Variants in SFT2D2 observed in about 807,000 individuals in gnomAD.
SFT2D2 encodes vesicle transport protein SFT2B.
SFT2D2 carries 21 observed loss-of-function variants against 27.4 expected under a neutral mutation model. The ratio of observed to expected loss-of-function variants is 0.77; its 90% CI spans 0.54 to 1.10. The LOEUF (loss-of-function observed/expected upper bound fraction) is 1.10. Ranked by LOEUF, SFT2D2 falls within the 50% of genes least tolerant of loss-of-function variation. The pLI is 0.00. For synonymous variants in SFT2D2, 72 were observed against 71.7 expected (o/e 1.00, Z -0.02); for missense variants, 187 against 194.2 (o/e 0.96, Z 0.22).
At chr1:168,239,460 T>C (rs1229375957) in intron 7 of SFT2D2, among the ~76,000 whole-genome samples, 1 of 128,952 alleles carries the variant, frequency 7.8e-6, no homozygotes, top group Non-Finnish European at 1.7e-5. Flanking sequence ...GAGTAGGGTT[T>C]TTTTTTTTTT....
Position 168,235,017 on chromosome 1 carries a change from C to G in SFT2D2, c.237-84C>G, listed in dbSNP as rs970331847. The G allele has an allele frequency of 1.0e-5, 12 of 1,162,084 alleles. No individual in the cohort carries two copies. The East Asian group carries it at 2.6e-4, about 25-fold the overall frequency. 72.0% of individuals were successfully genotyped at this position (1,162,084 alleles called of 1,614,324 possible). A position where few individuals can be genotyped will look rare whatever the true frequency, so the allele number is the denominator to read the frequency against. ...GCTTTTCAAATGTTAGCTACTATTG[C>G]CACAGGAAATCTTGGGGAGGCGACT... is the stretch of plus-strand genomic sequence containing the variant. On this transcript the variant is annotated intron_variant, in intron 3 of 7. Transcript: ENST00000271375.
At chr1:168,237,475 G>A (rs2102331559) in intron 6 of SFT2D2, among the ~76,000 whole-genome samples, 1 of 152,296 alleles carries the variant, frequency 6.6e-6, no homozygotes, top group Middle Eastern at 3.4e-3. Flanking sequence ...AGGGGTGGTG[G>A]CATAGTTGGA....
Position 168,226,028 on chromosome 1 carries a change from G to A in SFT2D2, c.-52G>A, listed in dbSNP as rs769557247. On this transcript the variant is annotated 5_prime_UTR_variant, in exon 1 of 8. Transcript: ENST00000271375. ...CACCCGGAAGAGCCGTCAACTTAGC[G>A]AGCGCAACAGGCTGCCGCTGAGGAG... 2.5e-5 allele frequency: 37 copies of A among 1,454,588 alleles called. No homozygotes were observed. The East Asian group carries it at 1.1e-3, about 44-fold the overall frequency. The allele number at this position is 1,454,588 out of a possible 1,614,324, so 90.1% of individuals were successfully genotyped here. A position where few individuals can be genotyped will look rare whatever the true frequency, so the allele number is the denominator to read the frequency against.
At position 168,246,232 on chromosome 1, in the gene SFT2D2, T is replaced by G. The variant is rs1019780744; in HGVS notation, c.*3692T>G. On this transcript the variant is annotated 3_prime_UTR_variant, in exon 8 of 8. Coordinates refer to ENST00000271375, the MANE Select transcript of SFT2D2 (RefSeq NM_199344.3). ...TGCTTTATGCACTCAGCTTGAAGAT[T>G]TTGTGCTGTAGCATCACATTTGGCT... The G allele has an allele frequency of 9.0e-5, 28 of 312,128 alleles. No individual in the cohort carries two copies. The highest frequency in any genetic ancestry group is 7.5e-5 in the Non-Finnish European group (12 of 160,452). 19.3% of individuals were successfully genotyped at this position (312,128 alleles called of 1,614,324 possible).
intron 6 of SFT2D2, among the ~76,000 whole-genome samples, chr1:168,238,583 A>T (rs910438411): frequency 2.0e-5 from 3 of 152,108 alleles, no homozygotes; most frequent in Admixed American, 2.0e-4. Flanking sequence ...CTGGAGGCTG[A>T]GGCAGGGGGA....
rs1287282625 is a variant in SFT2D2 at position 168,251,647 on chromosome 1, A to G, written c.*9107A>G. Reference sequence around the variant, plus strand: ...TTCAGCATATAAATTTTTAAGAATCAGTGTTTAAAGGTACGTGAAACCATT... The same window carrying G: ...TTCAGCATATAAATTTTTAAGAATCGGTGTTTAAAGGTACGTGAAACCATT... On this transcript the variant is annotated 3_prime_UTR_variant, in exon 8 of 8. Transcript: ENST00000271375. 6.6e-6 allele frequency: 1 copy of G among 151,850 alleles called. No individual in the cohort carries two copies. Among genetic ancestry groups the G allele is most frequent in the African/African-American group, 2.4e-5 (1 of 41,376 alleles). The allele number at this position is 151,850 out of a possible 1,614,324, so 9.4% of individuals were successfully genotyped here.
At position 168,246,730 on chromosome 1, in the gene SFT2D2, T is replaced by C. The variant is rs1647824999; in HGVS notation, c.*4190T>C. ...TTCCATTTCGTCAGTCTTTGCCTGC[T>C]TTGTTTTTCCTTCTCCAGTTTAGAA... On this transcript the variant is annotated 3_prime_UTR_variant, in exon 8 of 8. Transcript: ENST00000271375. The C allele has an allele frequency of 2.2e-6, 2 of 919,732 alleles. No homozygotes were observed. Among genetic ancestry groups the C allele is most frequent in the South Asian group, 2.6e-5 (2 of 77,828 alleles). 57.0% of individuals were successfully genotyped at this position (919,732 alleles called of 1,614,324 possible).
rs1405220157 is a variant in SFT2D2, at chr1:168,247,940, A to T, written c.*5400A>T. On this transcript the variant is annotated 3_prime_UTR_variant, in exon 8 of 8. Transcript: ENST00000271375. ...TCCCTAATGACCAGTGATGATGAGCATTTTTTCATATGTTTGTTGGCTGCA... is the reference window on the plus strand; with the variant it reads ...TCCCTAATGACCAGTGATGATGAGCTTTTTTTCATATGTTTGTTGGCTGCA... 6.6e-6 allele frequency: 1 copy of T among 152,128 alleles called. No individual in the cohort carries two copies. The highest frequency in any genetic ancestry group is 2.1e-4 in the South Asian group (1 of 4,826). 9.4% of individuals were successfully genotyped at this position (152,128 alleles called of 1,614,324 possible).
At chr1:168,238,162 A>G (rs1160391195) in intron 6 of SFT2D2, among the ~76,000 whole-genome samples, 1 of 152,120 alleles carries the variant, frequency 6.6e-6, no homozygotes, top group Non-Finnish European at 1.5e-5. Flanking sequence ...GTTTCCTTCT[A>G]AGTGACAGGG....
chr1:168,239,825 C>T (rs1414046534), intron 7 of SFT2D2, among the ~76,000 whole-genome samples: 8 of 138,510 alleles, frequency 5.8e-5, no homozygotes, highest in Non-Finnish European at 1.2e-4. Context: ...TATTTAACTT[C>T]TGTTCTTTTT....
At position 168,235,165 on chromosome 1, in the gene SFT2D2, G is replaced by T; in HGVS notation, c.301G>T (p.Ala101Ser). 1.2e-6 allele frequency: 2 copies of T among 1,614,186 alleles called. No individual in the cohort carries two copies. The highest frequency in any genetic ancestry group is 1.7e-6 in the Non-Finnish European group (2 of 1,180,028). The change falls in exon 4 of 8, where the codon GCA becomes TCA. Residue 101 changes from alanine (A) to serine (S), a missense_variant. By Grantham distance (99) the Ala-to-Ser change is moderately conservative. Coordinates refer to ENST00000271375, the MANE Select transcript of SFT2D2 (RefSeq NM_199344.3). ...AATGTTTGAGCCTACTCGTTTGATT[G>T]CAACTATCATGGTGCTGGTAAGGTC... ...KRMFEPTRLIATIMVLLCFAL... is the reference protein window; with the variant it reads ...KRMFEPTRLISTIMVLLCFAL...
chr1:168,237,608 A>G (rs1321030130), intron 6 of SFT2D2, among the ~76,000 whole-genome samples: 2 of 152,242 alleles, frequency 1.3e-5, no homozygotes, highest in East Asian at 3.8e-4. Context: ...GCTACAGTGT[A>G]AAGAAAGGAG....
chr1:168,236,206 C>T (rs960999015), intron 4 of SFT2D2, among the ~76,000 whole-genome samples: 19 of 152,196 alleles, frequency 1.2e-4, no homozygotes, highest in African/African-American at 4.3e-4. Context: ...AACCTTTGTC[C>T]TCACATGTGC....
chr1:168,233,091 A>G (rs1647374848), intron 3 of SFT2D2, among the ~76,000 whole-genome samples: 1 of 152,166 alleles, frequency 6.6e-6, no homozygotes, highest in South Asian at 2.1e-4. Flanking sequence ...CATACAGTCA[A>G]GCGTCTTTGA....
intron 4 of SFT2D2, 74 bp downstream of exon 4, chr1:168,235,256 A>G: frequency 7.2e-7 from 1 of 1,385,750 alleles, no homozygotes; most frequent in Non-Finnish European, 1.0e-6. Flanking sequence ...TTTTCTTTTT[A>G]AATCTAAAGA....
chr1:168,231,948 G>A, intron 3 of SFT2D2, 29 bp downstream of exon 3: 1 of 1,596,072 alleles, frequency 6.3e-7, no homozygotes, highest in South Asian at 1.1e-5. Flanking sequence ...TCCAATTTTA[G>A]CCAATCATTA....
Position 168,231,618 on chromosome 1 carries a change from C to T in SFT2D2, c.150+18C>T. 5 of 1,610,224 alleles carry T rather than the reference C, an allele frequency of 3.1e-6. No individual in the cohort carries two copies. The highest frequency in any genetic ancestry group is 1.1e-5 in the South Asian group (1 of 90,990). On this transcript the variant is annotated intron_variant, in intron 2 of 7. Coordinates refer to ENST00000271375, the MANE Select transcript of SFT2D2 (RefSeq NM_199344.3). ...CACTGCTGGTAAGATTTCCCTTCCTCCTCTGTCTTTTCCTTCTACCTGTCT... is the reference window on the plus strand; with the variant it reads ...CACTGCTGGTAAGATTTCCCTTCCTTCTCTGTCTTTTCCTTCTACCTGTCT...
rs2102337733 is a variant in SFT2D2 at position 168,249,685 on chromosome 1, G to GT, written c.*7146dup. The GT allele has an allele frequency of 6.5e-6, 1 of 152,784 alleles. No individual in the cohort carries two copies. Among genetic ancestry groups the GT allele is most frequent in the African/African-American group, 2.4e-5 (1 of 41,578 alleles). The allele number at this position is 152,784 out of a possible 1,614,324, so 9.5% of individuals were successfully genotyped here. A position where few individuals can be genotyped will look rare whatever the true frequency, so the allele number is the denominator to read the frequency against. On this transcript the variant is annotated 3_prime_UTR_variant, in exon 8 of 8. Coordinates refer to ENST00000271375, the MANE Select transcript of SFT2D2 (RefSeq NM_199344.3). The stretch of plus-strand genomic sequence containing the variant: ...AGCTGTGACTAGTCATATACTAGTT[G>GT]TGTCATTTTGAACAGGTTACCTAAC...
At position 168,249,694 on chromosome 1, in the gene SFT2D2, T is replaced by C. The variant is rs1278128883; in HGVS notation, c.*7154T>C. 6.5e-6 allele frequency: 1 copy of C among 152,680 alleles called. No homozygotes were observed. The highest frequency in any genetic ancestry group is 1.5e-5 in the Non-Finnish European group (1 of 68,052). The allele number at this position is 152,680 out of a possible 1,614,324, so 9.5% of individuals were successfully genotyped here. ...TAGTCATATACTAGTTGTGTCATTT[T>C]GAACAGGTTACCTAACCTCTGGCTC... On this transcript the variant is annotated 3_prime_UTR_variant, in exon 8 of 8. Coordinates refer to ENST00000271375, the MANE Select transcript of SFT2D2 (RefSeq NM_199344.3).
Sources: allele counts gnomAD v4.1 joint callset (sites outside exome capture counted in the v4.1 genomes callset), GRCh38; gene constraint gnomAD v4.1.1; transcripts MANE v1.5; gene names NCBI Gene and HGNC (gene_info 2026-07-23, HGNC 2026-07-21).